TLN2: variants seen among roughly 807,000 people sequenced by gnomAD.
The protein encoded by TLN2 is talin-2.
Under a neutral mutation model 294.7 loss-of-function variants are expected in TLN2, and 118 were observed. The observed-to-expected ratio is 0.40, with a 90% CI of 0.34 to 0.47. The LOEUF (loss-of-function observed/expected upper bound fraction) is 0.47. Ranked by LOEUF, TLN2 falls within the 20% of genes least tolerant of loss-of-function variation. The probability of loss-of-function intolerance (pLI) is 0.84; values close to 1 mark genes in which losing one functional copy is unlikely to be tolerated. For missense variants in TLN2, 3,083 were observed against 3,282.2 expected, an observed-to-expected ratio of 0.94 and a Z score of 1.48; for synonymous variants, 1,431 against 1,304.5, an observed-to-expected ratio of 1.10 and a Z score of -2.09.
intron 46 of TLN2, among the ~76,000 whole-genome samples, chr15:62,793,619 C>T (rs1032261453): frequency 2.6e-5 from 4 of 152,128 alleles, no homozygotes; most frequent in African/African-American, 7.2e-5. Flanking sequence ...CAGTTAACCA[C>T]GCCATACTCT....
At chr15:62,513,967 C>A (rs1435339787) in intron 1 of TLN2, among the ~76,000 whole-genome samples, 1 of 152,198 alleles carries the variant, frequency 6.6e-6, no homozygotes. Flanking sequence ...ACAAGTTAAC[C>A]CCTCCGCCCT....
intron 24 of TLN2, among the ~76,000 whole-genome samples, chr15:62,718,082 A>G (rs1392851316): frequency 1.3e-5 from 2 of 152,154 alleles, no homozygotes; most frequent in East Asian, 3.9e-4. Flanking sequence ...CTTTCTAATA[A>G]TTGCACCTCA....
rs1163894692 is a variant in TLN2 at position 62,843,485 on chromosome 15, G to A, written c.*2875G>A. The A allele has an allele frequency of 6.6e-6, 1 of 152,284 alleles. No individual in the cohort carries two copies. Among genetic ancestry groups the A allele is most frequent in the African/African-American group, 2.4e-5 (1 of 41,462 alleles). 9.4% of individuals were successfully genotyped at this position (152,284 alleles called of 1,614,324 possible). The stretch of plus-strand genomic sequence containing the variant: ...TCCTCAATTCCTGGTTGGCCCTGCA[G>A]TCGGTCAACACAGTCCCTCCAGGTC... On this transcript the variant is annotated 3_prime_UTR_variant, in exon 59 of 59. Transcript: ENST00000636159.
chr15:62,634,493 A>G (rs565284692), intron 3 of TLN2, among the ~76,000 whole-genome samples: 3 of 152,340 alleles, frequency 2.0e-5, no homozygotes, highest in African/African-American at 7.2e-5. Context: ...CACTGTCCTC[A>G]ACTGTGCTGT....
At chr15:62,489,401 T>C (rs1404938050) in intron 1 of TLN2, among the ~76,000 whole-genome samples, 1 of 152,214 alleles carries the variant, frequency 6.6e-6, no homozygotes, top group Non-Finnish European at 1.5e-5. Context: ...AGAGGCACTT[T>C]TAAAAATAAC....
intron 1 of TLN2, among the ~76,000 whole-genome samples, chr15:62,426,056 C>T (rs1595776206): frequency 6.6e-6 from 1 of 152,148 alleles, no homozygotes; most frequent in Non-Finnish European, 1.5e-5. Context: ...TTCTCCAATG[C>T]CAGGAAAGCC....
intron 48 of TLN2, among the ~76,000 whole-genome samples, chr15:62,798,380 C>T (rs2065676183): frequency 6.6e-6 from 1 of 152,134 alleles, no homozygotes; most frequent in African/African-American, 2.4e-5. Context: ...GGACAGTCAC[C>T]ACAGTTTGCT....
chr15:62,699,371 T>C (rs2058567538), intron 16 of TLN2, among the ~76,000 whole-genome samples: 1 of 152,092 alleles, frequency 6.6e-6, no homozygotes, highest in Non-Finnish European at 1.5e-5. Context: ...TGAATGTTGC[T>C]GGACTCTTCC....
intron 45 of TLN2, among the ~76,000 whole-genome samples, chr15:62,790,204 T>G (rs2064979915): frequency 6.6e-6 from 1 of 152,210 alleles, no homozygotes; most frequent in Non-Finnish European, 1.5e-5. Flanking sequence ...AAACTTTGAT[T>G]CACTCAGTCT....
At chr15:62,465,477 C>G (rs558122961) in intron 1 of TLN2, among the ~76,000 whole-genome samples, 19 of 152,288 alleles carry the variant, frequency 1.2e-4, no homozygotes, top group Middle Eastern at 3.4e-3. Context: ...TGAACGTGAA[C>G]ATTTTACATG....
rs369785493 is a variant in TLN2 at position 62,796,297 on chromosome 15, C to T, written c.6050+4C>T. On this transcript the variant is annotated splice_donor_region_variant and intron_variant, in intron 47 of 58. Coordinates refer to ENST00000636159, the MANE Select transcript of TLN2 (RefSeq NM_015059.3). ...GTGAGACCTTCGCAGACCACAGGTA[C>T]GTGGGGGTCCTGGACGGGGAGAGGT... 1.7e-5 allele frequency: 28 copies of T among 1,611,196 alleles called. No individual in the cohort carries two copies. The highest frequency in any genetic ancestry group is 1.2e-4 in the African/African-American group (9 of 74,984).
intron 45 of TLN2, among the ~76,000 whole-genome samples, chr15:62,787,784 C>T (rs1331093205): frequency 6.2e-5 from 9 of 146,258 alleles, no homozygotes; most frequent in African/African-American, 1.5e-4. Context: ...CCTCCGCCAC[C>T]GGGTTCAAGC....
At chr15:62,468,761 TAAAAAAAATACAAAAATAA>T (rs1370506511) in intron 1 of TLN2, among the ~76,000 whole-genome samples, 2 of 87,206 alleles carry the variant, frequency 2.3e-5, no homozygotes, top group Non-Finnish European at 4.9e-5. Context: ...AAAATAAAAA[TAAAAAAAATACAAAAATAA>T]AAAAAAAAAT....
chr15:62,716,496 T>G, intron 23 of TLN2, 37 bp downstream of exon 23: 1 of 1,566,574 alleles, frequency 6.4e-7, no homozygotes, highest in Non-Finnish European at 8.6e-7. Flanking sequence ...ATGCCCATCT[T>G]AAATTGCAAA....
rs750147149 is a variant in TLN2, at chr15:62,736,932, G to A, written c.3413G>A (p.Arg1138His). 8 of 1,614,202 alleles carry A rather than the reference G, an allele frequency of 5.0e-6. No individual in the cohort carries two copies. The highest frequency in any genetic ancestry group is 5.9e-6 in the Non-Finnish European group (7 of 1,180,042). Residue 1138 changes from arginine to histidine, a missense_variant, in exon 29 of 59, where the codon CGT becomes CAT. Arg to His is a conservative substitution (Grantham distance 29). Transcript: ENST00000636159. ...QALKTLAQAARGVAASTTDPA... is the reference protein window; with the variant it reads ...QALKTLAQAAHGVAASTTDPA... ...CTGAAAACACTGGCCCAGGCCGCCC[G>A]TGGAGTGGCTGCATCGACAACCGAC...
intron 1 of TLN2, among the ~76,000 whole-genome samples, chr15:62,523,990 A>G (rs948060484): frequency 3.3e-5 from 5 of 152,254 alleles, no homozygotes; most frequent in African/African-American, 1.2e-4. Context: ...AAATTTATCC[A>G]GGTTACTAGT....
chr15:62,675,027 T>C (rs1035876131), intron 10 of TLN2, among the ~76,000 whole-genome samples, 190 bp from the exon 11 acceptor site: 1 of 152,256 alleles, frequency 6.6e-6, no homozygotes, highest in Non-Finnish European at 1.5e-5. Context: ...GAAATCCCTG[T>C]GTTAGAACTT....
chr15:62,758,523 G>A lies in TLN2; in HGVS notation c.4638+2830G>A, dbSNP rs2062453277. ...CAAGTAGAAATTATGCAACAGCAGCGTTTGTTTTTCTGAGAAGTTGAAGTT... is the reference window on the plus strand; with the variant it reads ...CAAGTAGAAATTATGCAACAGCAGCATTTGTTTTTCTGAGAAGTTGAAGTT... On this transcript the variant is annotated intron_variant, in intron 37 of 58. Coordinates refer to ENST00000636159, the MANE Select transcript of TLN2 (RefSeq NM_015059.3). 5 of 152,218 alleles carry A rather than the reference G, an allele frequency of 3.3e-5. No homozygotes were observed. The South Asian group carries it at 1.0e-3, about 32-fold the overall frequency. The allele number at this position is 152,218 out of a possible 1,614,324, so 9.4% of individuals were successfully genotyped here.
chr15:62,700,739 G>A (rs1446263612), intron 16 of TLN2, among the ~76,000 whole-genome samples: 1 of 152,174 alleles, frequency 6.6e-6, no homozygotes, highest in Non-Finnish European at 1.5e-5. Flanking sequence ...GTGAAAATTA[G>A]CAACAACTAT....
Sources: allele counts gnomAD v4.1 joint callset (sites outside exome capture counted in the v4.1 genomes callset), GRCh38; gene constraint gnomAD v4.1.1; transcripts MANE v1.5; gene names NCBI Gene and HGNC (gene_info 2026-07-23, HGNC 2026-07-21).